Variants in RBMS3 observed in about 807,000 individuals in gnomAD.
RBMS3 encodes the protein RNA-binding motif, single-stranded-interacting protein 3.
RBMS3 carries 27 observed loss-of-function variants against 66.8 expected under a neutral mutation model. That is an observed-to-expected ratio of 0.40 (90% CI 0.30 to 0.56). The LOEUF (loss-of-function observed/expected upper bound fraction) is 0.56. Ranked by LOEUF, RBMS3 falls within the 20% of genes least tolerant of loss-of-function variation. The probability of loss-of-function intolerance (pLI) is 0.40; values close to 1 mark genes in which losing one functional copy is unlikely to be tolerated. For missense variants in RBMS3, 513 were observed against 549.5 expected (o/e 0.93, Z 0.66); for synonymous variants, 188 against 183.0 (o/e 1.03, Z -0.22).
chr3:29,403,165 C>G (rs1415028193), intron 1 of RBMS3, among the ~76,000 whole-genome samples: 1 of 151,996 alleles, frequency 6.6e-6, no homozygotes, highest in African/African-American at 2.4e-5. Context: ...AAGTATTCAT[C>G]TTCTAATTTC....
intron 12 of RBMS3, among the ~76,000 whole-genome samples, chr3:29,963,582 C>A (rs936930878): frequency 6.6e-6 from 1 of 152,166 alleles, no homozygotes; most frequent in South Asian, 2.1e-4. Context: ...AATCCCAGCA[C>A]TGTGGGAGGC....
intron 6 of RBMS3, among the ~76,000 whole-genome samples, chr3:29,850,008 A>G (rs1471372025): frequency 6.6e-6 from 1 of 152,188 alleles, no homozygotes; most frequent in Non-Finnish European, 1.5e-5. Context: ...ACTTCTGGTA[A>G]AGATACGAGG....
intron 4 of RBMS3, among the ~76,000 whole-genome samples, chr3:29,680,048 T>G (rs79941476): frequency 0.029 from 4,416 of 152,206 alleles, 205 homozygotes; most frequent in African/African-American, 0.099. Flanking sequence ...ATAATAGGTT[T>G]TCACTGAGCT....
At position 29,578,956 on chromosome 3, in the gene RBMS3, C is replaced by T. The variant is rs994074298; in HGVS notation, c.308-8158C>T. Reference sequence around the variant, plus strand: ...AGCTGGGACTACAGGCGCCCGCCACCGCGCCCGGCTAATTTTTTGTATTTT... The same window carrying T: ...AGCTGGGACTACAGGCGCCCGCCACTGCGCCCGGCTAATTTTTTGTATTTT... On this transcript the variant is annotated intron_variant, in intron 3 of 14. Transcript: ENST00000383767. Among the ~76,000 whole-genome samples the T allele has an allele frequency of 3.5e-5, 5 of 144,798 alleles. 1 individual carries two copies. The highest frequency in any genetic ancestry group is 6.9e-5 in the Admixed American group (1 of 14,520). 95.0% of individuals were successfully genotyped at this position (144,798 alleles called of 152,430 possible). A position where few individuals can be genotyped will look rare whatever the true frequency, so the allele number is the denominator to read the frequency against.
intron 14 of RBMS3, among the ~76,000 whole-genome samples, chr3:30,000,676 TG>T (rs1443816237): frequency 1.3e-5 from 2 of 152,162 alleles, no homozygotes; most frequent in African/African-American, 4.8e-5. Context: ...AAAGAAAATG[TG>T]GCATATATAC....
At chr3:29,580,653 A>G (rs999726965) in intron 3 of RBMS3, among the ~76,000 whole-genome samples, 2 of 149,886 alleles carry the variant, frequency 1.3e-5, no homozygotes, top group Non-Finnish European at 3.0e-5. Context: ...TCTTCCTTGT[A>G]TGTAGTAGAT....
chr3:29,373,798 G>A (rs1188112744), intron 1 of RBMS3, among the ~76,000 whole-genome samples: 1 of 152,208 alleles, frequency 6.6e-6, no homozygotes, highest in Non-Finnish European at 1.5e-5. Flanking sequence ...TTTGAAAAGG[G>A]TTGTATAGGG....
chr3:29,930,079 A>C (rs1426200715), intron 10 of RBMS3, among the ~76,000 whole-genome samples: 1 of 136,614 alleles, frequency 7.3e-6, no homozygotes, highest in Non-Finnish European at 1.6e-5. Flanking sequence ...CAGACTGTAG[A>C]TGAATACTTT....
intron 4 of RBMS3, among the ~76,000 whole-genome samples, chr3:29,735,157 G>T (rs958451048): frequency 6.6e-6 from 1 of 152,052 alleles, no homozygotes; most frequent in Admixed American, 6.6e-5. Context: ...GTGTTTTCTT[G>T]TCCTCTACAA....
At chr3:29,614,609 A>G (rs1244527062) in intron 4 of RBMS3, 2 of 152,204 alleles carry the variant, frequency 1.3e-5, no homozygotes, top group Non-Finnish European at 2.9e-5. Context: ...TGGGAGAAGG[A>G]TGGACTATTT....
intron 2 of RBMS3, among the ~76,000 whole-genome samples, chr3:29,464,982 A>G (rs2042489285): frequency 6.6e-6 from 1 of 152,210 alleles, no homozygotes; most frequent in Non-Finnish European, 1.5e-5. Flanking sequence ...TCATCTCAGT[A>G]TTACAAGGAC....
chr3:30,002,066 A>G (rs938773459), intron 14 of RBMS3, among the ~76,000 whole-genome samples: 2 of 152,050 alleles, frequency 1.3e-5, no homozygotes, highest in Non-Finnish European at 2.9e-5. Flanking sequence ...TCTATTTGCC[A>G]TCATTTGTTT....
At chr3:29,361,191 G>T (rs2037562093) in intron 1 of RBMS3, among the ~76,000 whole-genome samples, 2 of 152,008 alleles carry the variant, frequency 1.3e-5, no homozygotes, top group South Asian at 4.1e-4. Context: ...GGTGCGCTTT[G>T]TTCCTTTCCA....
At chr3:29,585,975 G>A (rs561540315) in intron 3 of RBMS3, among the ~76,000 whole-genome samples, 8 of 152,196 alleles carry the variant, frequency 5.3e-5, no homozygotes, top group East Asian at 1.9e-4. Context: ...AAACAACTTC[G>A]TAATTGGATT....
intron 6 of RBMS3, among the ~76,000 whole-genome samples, chr3:29,829,494 A>G (rs1213731899): frequency 6.6e-6 from 1 of 152,076 alleles, no homozygotes; most frequent in Non-Finnish European, 1.5e-5. Context: ...CCTAACTTAA[A>G]TCTTCTATTT....
At chr3:29,308,069 G>GT in intron 1 of RBMS3, among the ~76,000 whole-genome samples, 1 of 151,902 alleles carries the variant, frequency 6.6e-6, no homozygotes, top group South Asian at 2.1e-4. Flanking sequence ...AACCCAAGTT[G>GT]TTTTTTGTTT....
intron 14 of RBMS3, among the ~76,000 whole-genome samples, chr3:29,994,759 A>G (rs1158808766): frequency 2.0e-5 from 3 of 152,206 alleles, no homozygotes; most frequent in Admixed American, 6.5e-5. Context: ...CATCCACACC[A>G]AAAACCCATC....
At chr3:29,749,323 C>T (rs1309212556) in intron 5 of RBMS3, among the ~76,000 whole-genome samples, 1 of 152,162 alleles carries the variant, frequency 6.6e-6, no homozygotes, top group Non-Finnish European at 1.5e-5. Flanking sequence ...TCTTCTGAAA[C>T]ATTATTTTTC....
intron 1 of RBMS3, among the ~76,000 whole-genome samples, chr3:29,286,894 T>C (rs2032391233): frequency 6.6e-6 from 1 of 152,108 alleles, no homozygotes; most frequent in Non-Finnish European, 1.5e-5. Context: ...TCAGAGTAAA[T>C]GGTTGATGTT....
Sources: gnomAD v4.1 joint callset for allele counts (sites outside exome capture counted in the v4.1 genomes callset) on GRCh38, gnomAD v4.1.1 for gene constraint, MANE v1.5 for transcripts, NCBI Gene and HGNC (gene_info 2026-07-23, HGNC 2026-07-21) for gene names.